The following TNFSF4 variants were observed in gnomAD, a reference collection of about 807,000 sequenced individuals.
The protein encoded by TNFSF4 is tumor necrosis factor ligand superfamily member 4.
Under a neutral mutation model 7.3 loss-of-function variants are expected in TNFSF4, and 4 were observed. That is an observed-to-expected ratio of 0.55 (90% CI 0.27 to 1.25). The LOEUF (loss-of-function observed/expected upper bound fraction) is 1.25. Ranked by LOEUF, TNFSF4 falls within the 50% of genes most tolerant of loss-of-function variation. TNFSF4 has a pLI of 0.12. For synonymous variants in TNFSF4, 76 were observed against 83.7 expected, an observed-to-expected ratio of 0.91 and a Z score of 0.50; for missense variants, 181 against 208.8, an observed-to-expected ratio of 0.87 and a Z score of 0.82.
At chr1:173,419,254 G>A in the TNFSF4 span, among the ~76,000 whole-genome samples, 1 of 151,760 alleles carries the variant, frequency 6.6e-6, no homozygotes, top group Non-Finnish European at 1.5e-5. Flanking sequence ...AGGCAGGAGA[G>A]TGGCCTGAAC....
At chr1:173,391,843 G>A in the TNFSF4 span, among the ~76,000 whole-genome samples, 2 of 152,160 alleles carry the variant, frequency 1.3e-5, no homozygotes, top group Admixed American at 6.5e-5. Context: ...GGACAAAATT[G>A]AGAGGTTTTA....
chr1:173,281,595 A>C, the TNFSF4 span, among the ~76,000 whole-genome samples: 1 of 152,182 alleles, frequency 6.6e-6, no homozygotes, highest in Non-Finnish European at 1.5e-5. Flanking sequence ...ATATGCTTAC[A>C]TAAGAAAGCT....
chr1:173,195,104 A>G (rs1159059090), intron 1 of TNFSF4, among the ~76,000 whole-genome samples: 2 of 152,166 alleles, frequency 1.3e-5, no homozygotes, highest in South Asian at 4.1e-4. Context: ...GTGAATCCCA[A>G]GTTCATGATA....
At chr1:173,208,467 G>C (rs1650273562), upstream of TNFSF4, among the ~76,000 whole-genome samples, 3 of 152,278 alleles carry the variant, frequency 2.0e-5, no homozygotes, top group South Asian at 6.2e-4. Context: ...AAAAGAGAAA[G>C]TTTGTGGGAA....
At chr1:173,212,557 G>A in the TNFSF4 span, among the ~76,000 whole-genome samples, 1 of 151,300 alleles carries the variant, frequency 6.6e-6, no homozygotes, top group African/African-American at 2.4e-5. Context: ...GGAGGGAGGA[G>A]GTGGGGATGG....
chr1:173,246,548 TA>T, the TNFSF4 span, among the ~76,000 whole-genome samples: 1 of 152,194 alleles, frequency 6.6e-6, no homozygotes. Flanking sequence ...GTGTGACACA[TA>T]TACACCTCTA....
the TNFSF4 span, among the ~76,000 whole-genome samples, chr1:173,176,173 C>T: frequency 6.6e-6 from 1 of 151,922 alleles, no homozygotes; most frequent in South Asian, 2.1e-4. Flanking sequence ...TGAAGCTTGC[C>T]TAACAAATCA....
the TNFSF4 span, among the ~76,000 whole-genome samples, chr1:173,349,629 AT>A: frequency 6.6e-6 from 1 of 152,174 alleles, no homozygotes; most frequent in South Asian, 2.1e-4. Context: ...AAAAGACTCT[AT>A]ATAAATCTTG....
At chr1:173,310,244 A>C in the TNFSF4 span, among the ~76,000 whole-genome samples, 1 of 151,858 alleles carries the variant, frequency 6.6e-6, no homozygotes, top group Non-Finnish European at 1.5e-5. Flanking sequence ...AAGTTTATTT[A>C]CTTTGAGACT....
the TNFSF4 span, among the ~76,000 whole-genome samples, chr1:173,215,053 G>A: frequency 6.6e-6 from 1 of 152,124 alleles, no homozygotes; most frequent in Non-Finnish European, 1.5e-5. Flanking sequence ...TTTGGAGATG[G>A]AGCCTTTGGA....
chr1:173,176,048 G>A, the TNFSF4 span, among the ~76,000 whole-genome samples: 1 of 152,154 alleles, frequency 6.6e-6, no homozygotes, highest in African/African-American at 2.4e-5. Context: ...CAAAATGAAT[G>A]CTACAGCTTC....
the TNFSF4 span, among the ~76,000 whole-genome samples, chr1:173,229,582 A>G: frequency 1.3e-5 from 2 of 152,244 alleles, no homozygotes; most frequent in African/African-American, 4.8e-5. Context: ...ACACATAACA[A>G]TATTAACCTT....
At chr1:173,386,560 A>G in the TNFSF4 span, among the ~76,000 whole-genome samples, 36 of 152,144 alleles carry the variant, frequency 2.4e-4, no homozygotes, top group Admixed American at 2.4e-3. Context: ...AGTCCCCACT[A>G]GGTCAATGTC....
the TNFSF4 span, among the ~76,000 whole-genome samples, chr1:173,366,625 G>C: frequency 0.7 from 105,766 of 152,036 alleles, 36,998 homozygotes; most frequent in African/African-American, 0.77. Flanking sequence ...ATAACTAAAG[G>C]AGTATAATTG....
chr1:173,353,698 T>C, the TNFSF4 span, among the ~76,000 whole-genome samples: 3 of 152,234 alleles, frequency 2.0e-5, no homozygotes, highest in African/African-American at 7.2e-5. Flanking sequence ...CATCAGTTTC[T>C]GTAGAGTAAA....
At position 173,205,296 on chromosome 1, in the gene TNFSF4, C is replaced by T. The variant is rs1344533469; in HGVS notation, c.153+1728G>A. 14 of 1,612,006 alleles carry T rather than the reference C, an allele frequency of 8.7e-6. No homozygotes were observed. The African/African-American group carries it at 1.1e-4, about 12-fold the overall frequency. On this transcript the variant is annotated intron_variant, in intron 1 of 2. Transcript: ENST00000281834. The stretch of plus-strand genomic sequence containing the variant: ...CAGGACTATAGAAGCTAATTCTCCC[C>T]TAGAGATCACTCACCATGAGGTTTA...
At chr1:173,218,709 AT>A in the TNFSF4 span, among the ~76,000 whole-genome samples, 16 of 151,910 alleles carry the variant, frequency 1.1e-4, no homozygotes, top group East Asian at 7.7e-4. Context: ...ATATATATAA[AT>A]TTTTTTTTCA....
chr1:173,241,741 G>T, the TNFSF4 span, among the ~76,000 whole-genome samples: 2 of 152,214 alleles, frequency 1.3e-5, no homozygotes, highest in South Asian at 4.1e-4. Flanking sequence ...ATGGGAGGCA[G>T]GCTTAGAAGT....
the TNFSF4 span, among the ~76,000 whole-genome samples, chr1:173,308,267 T>TCTC: frequency 0.013 from 1,716 of 132,808 alleles, 31 homozygotes; most frequent in Admixed American, 0.038. Context: ...CTCTCTCTCT[T>TCTC]TCTCTCTCTC....
Sources: gnomAD v4.1 joint callset for allele counts (sites outside exome capture counted in the v4.1 genomes callset) on GRCh38, gnomAD v4.1.1 for gene constraint, MANE v1.5 for transcripts, NCBI Gene and HGNC (gene_info 2026-07-23, HGNC 2026-07-21) for gene names.